The following CDH13 variants were observed in gnomAD, a reference collection of about 807,000 sequenced individuals.
The protein encoded by CDH13 is cadherin-13.
A neutral mutation model predicts 63.8 loss-of-function variants in CDH13; 24 were observed. That is an observed-to-expected ratio of 0.38 (90% CI 0.27 to 0.53). CDH13 has a LOEUF of 0.53. CDH13 is among the 20% of genes least tolerant of loss of function. The probability of loss-of-function intolerance (pLI) is 0.85; values close to 1 mark genes in which losing one functional copy is unlikely to be tolerated. For synonymous variants in CDH13, 503 were observed against 355.3 expected (o/e 1.42, Z -4.67); for missense variants, 1,049 against 903.1 (o/e 1.16, Z -2.07).
At position 82,684,930 on chromosome 16, in the gene CDH13, C is replaced by T. The variant is rs144008058; in HGVS notation, c.45+57793C>T. Among the ~76,000 whole-genome samples, 32 of 151,128 alleles carry T rather than the reference C, an allele frequency of 2.1e-4. No homozygotes were observed. The East Asian group carries it at 2.1e-3, about 10-fold the overall frequency. On this transcript the variant is annotated intron_variant, in intron 1 of 13. Transcript: ENST00000567109. ...GAAATATAAATCACATTTAAGTAGT[C>T]GCTTGAAAATGAGTAAATTCACCTA...
intron 2 of CDH13, among the ~76,000 whole-genome samples, chr16:82,966,343 G>T (rs1380707410): frequency 1.6e-5 from 2 of 121,784 alleles, no homozygotes; most frequent in South Asian, 2.6e-4. Context: ...TAGAGATGGG[G>T]TTTCACTGTT....
chr16:82,935,376 A>G (rs374257960), intron 2 of CDH13, among the ~76,000 whole-genome samples: 1 of 152,182 alleles, frequency 6.6e-6, no homozygotes. Context: ...TTGGATTACA[A>G]TTCAAGATGA....
At chr16:83,680,766 C>A (rs901504735) in intron 10 of CDH13, among the ~76,000 whole-genome samples, 3 of 152,018 alleles carry the variant, frequency 2.0e-5, no homozygotes, top group Non-Finnish European at 4.4e-5. Flanking sequence ...ATGACTAGTA[C>A]CCAACTCACA....
At chr16:83,444,881 G>C (rs1826713825) in intron 6 of CDH13, among the ~76,000 whole-genome samples, 1 of 40,360 alleles carries the variant, frequency 2.5e-5, no homozygotes, top group Non-Finnish European at 5.1e-5. Flanking sequence ...TTCCTCTGAT[G>C]AAGGGGGAGT....
chr16:83,226,482 C>T (rs1364348089), intron 5 of CDH13, among the ~76,000 whole-genome samples: 1 of 152,220 alleles, frequency 6.6e-6, no homozygotes, highest in South Asian at 2.1e-4. Flanking sequence ...CACCCCCACA[C>T]TGGTCTTTGC....
chr16:83,178,019 C>T (rs1319853849), intron 4 of CDH13, among the ~76,000 whole-genome samples: 3 of 152,026 alleles, frequency 2.0e-5, no homozygotes, highest in Admixed American at 6.5e-5. Context: ...AAAGGAGCTA[C>T]GGGAAACCCT....
At chr16:83,300,044 A>T (rs1378622156) in intron 5 of CDH13, among the ~76,000 whole-genome samples, 2 of 152,172 alleles carry the variant, frequency 1.3e-5, no homozygotes, top group Non-Finnish European at 2.9e-5. Context: ...ATATCCCATC[A>T]CTTTTGCCAT....
chr16:83,431,230 G>C (rs1013664372), intron 6 of CDH13, among the ~76,000 whole-genome samples: 3 of 151,610 alleles, frequency 2.0e-5, no homozygotes, highest in African/African-American at 7.3e-5. Flanking sequence ...TTGGACATTT[G>C]GGTTGGTTCC....
chr16:82,695,588 G>T (rs985878963), intron 1 of CDH13, among the ~76,000 whole-genome samples: 15 of 152,260 alleles, frequency 9.9e-5, no homozygotes, highest in African/African-American at 3.6e-4. Flanking sequence ...TGGCATTGTT[G>T]GGTTAGGTAT....
chr16:82,947,997 G>A (rs905450104), intron 2 of CDH13, among the ~76,000 whole-genome samples: 1 of 152,134 alleles, frequency 6.6e-6, no homozygotes, highest in Non-Finnish European at 1.5e-5. Context: ...TGGCATTCAT[G>A]TGGACTTCAC....
At chr16:83,731,229 G>C (rs1452892480) in intron 10 of CDH13, among the ~76,000 whole-genome samples, 1 of 152,196 alleles carries the variant, frequency 6.6e-6, no homozygotes, top group Admixed American at 6.5e-5. Flanking sequence ...AGTTCTTTGA[G>C]AAATCTCCAA....
At chr16:83,581,543 G>A (rs1905599615) in intron 7 of CDH13, among the ~76,000 whole-genome samples, 1 of 152,142 alleles carries the variant, frequency 6.6e-6, no homozygotes, top group Admixed American at 6.5e-5. Context: ...CCTTGGCCAG[G>A]CACAGTGGCT....
chr16:83,760,637 A>C (rs1378489529), intron 11 of CDH13, among the ~76,000 whole-genome samples: 2 of 152,264 alleles, frequency 1.3e-5, no homozygotes, highest in African/African-American at 4.8e-5. Context: ...AACCCAGGCG[A>C]AATTAATCCT....
chr16:83,418,252 G>T (rs1360933598), intron 6 of CDH13, among the ~76,000 whole-genome samples: 2 of 152,238 alleles, frequency 1.3e-5, no homozygotes, highest in East Asian at 3.9e-4. Context: ...GATTAAAAGG[G>T]AAAAATTATG....
At chr16:82,701,827 G>A (rs1430542132) in intron 1 of CDH13, among the ~76,000 whole-genome samples, 1 of 152,160 alleles carries the variant, frequency 6.6e-6, no homozygotes, top group Non-Finnish European at 1.5e-5. Context: ...CAAGGGGACA[G>A]GATGCTCTGA....
chr16:83,674,651 C>G (rs1914802093), intron 9 of CDH13, among the ~76,000 whole-genome samples: 1 of 152,304 alleles, frequency 6.6e-6, no homozygotes, highest in African/African-American at 2.4e-5. Context: ...ATCCAACATA[C>G]AGAAGAACTA....
At chr16:83,672,960 C>T (rs977068313) in intron 9 of CDH13, among the ~76,000 whole-genome samples, 9 of 152,226 alleles carry the variant, frequency 5.9e-5, no homozygotes, top group African/African-American at 2.2e-4. Context: ...GCCATGGACA[C>T]AGAGGGCCAG....
At chr16:83,592,752 C>T (rs1473931776) in intron 7 of CDH13, among the ~76,000 whole-genome samples, 1 of 152,150 alleles carries the variant, frequency 6.6e-6, no homozygotes, top group Admixed American at 6.5e-5. Context: ...CCTTGCCCAC[C>T]AGCCCCCAGC....
At chr16:83,281,684 A>C (rs2089179777) in intron 5 of CDH13, among the ~76,000 whole-genome samples, 1 of 151,700 alleles carries the variant, frequency 6.6e-6, no homozygotes, top group Non-Finnish European at 1.5e-5. Flanking sequence ...TGAGGTGTGC[A>C]GATCACTTGA....
Sources: gnomAD v4.1 joint callset for allele counts (sites outside exome capture counted in the v4.1 genomes callset) on GRCh38, gnomAD v4.1.1 for gene constraint, MANE v1.5 for transcripts, NCBI Gene and HGNC (gene_info 2026-07-23, HGNC 2026-07-21) for gene names.